Variants in FHIT observed in about 807,000 individuals in gnomAD.
FHIT encodes fragile histidine triad diadenosine triphosphatase.
FHIT carries 19 observed loss-of-function variants against 17.9 expected under a neutral mutation model. That is an observed-to-expected ratio of 1.06 (90% CI 0.74 to 1.56). The LOEUF is 1.56. FHIT is among the 40% of genes most tolerant of loss of function. The pLI, the probability that FHIT is intolerant of heterozygous loss-of-function variation, is 0.00. For synonymous variants in FHIT, 81 were observed against 69.7 expected, an observed-to-expected ratio of 1.16 and a Z score of -0.81; for missense variants, 248 against 189.2, an observed-to-expected ratio of 1.31 and a Z score of -1.82.
At chr3:60,091,872 G>A (rs1703748076) in intron 5 of FHIT, among the ~76,000 whole-genome samples, 1 of 152,052 alleles carries the variant, frequency 6.6e-6, no homozygotes, top group African/African-American at 2.4e-5. Flanking sequence ...CTTCCTGTAT[G>A]GCATACAGAA....
At chr3:60,807,060 TC>T (rs1390569207) in intron 4 of FHIT, among the ~76,000 whole-genome samples, 6 of 152,226 alleles carry the variant, frequency 3.9e-5, no homozygotes, top group African/African-American at 1.4e-4. Flanking sequence ...CAATCATTGT[TC>T]TAAATTATTA....
At position 60,531,135 on chromosome 3, in the gene FHIT, T is replaced by C. The variant is rs1450260091; in HGVS notation, c.103+5725A>G. Among the ~76,000 whole-genome samples the C allele has an allele frequency of 2.0e-5, 3 of 152,168 alleles. No individual in the cohort carries two copies. In the East Asian group the frequency reaches 5.8e-4, roughly 29 times the overall value. ...CTCCAAAAGCTCTTAAGCTGGCTAA[T>C]ATACAACAAGCATGCACAGAGCAAA... On this transcript the variant is annotated intron_variant, in intron 5 of 9. Coordinates refer to ENST00000492590, the MANE Select transcript of FHIT (RefSeq NM_002012.4).
At chr3:60,670,253 C>A (rs1054950393) in intron 4 of FHIT, among the ~76,000 whole-genome samples, 9 of 152,174 alleles carry the variant, frequency 5.9e-5, no homozygotes, top group Non-Finnish European at 1.2e-4. Flanking sequence ...AACTCTAATG[C>A]ATTCTTGATA....
chr3:60,338,919 A>G (rs1710375838), intron 5 of FHIT, among the ~76,000 whole-genome samples: 1 of 152,202 alleles, frequency 6.6e-6, no homozygotes, highest in Non-Finnish European at 1.5e-5. Flanking sequence ...ACTACTTAAT[A>G]GCTGCATGAC....
intron 8 of FHIT, among the ~76,000 whole-genome samples, chr3:59,853,539 A>G (rs994399246): frequency 3.3e-5 from 5 of 152,240 alleles, no homozygotes; most frequent in Non-Finnish European, 7.3e-5. Context: ...ATACTTCAAA[A>G]TATGAAACTG....
At chr3:60,562,356 G>A (rs2036982847) in intron 4 of FHIT, among the ~76,000 whole-genome samples, 2 of 152,056 alleles carry the variant, frequency 1.3e-5, no homozygotes, top group Admixed American at 1.3e-4. Context: ...ACATACATTG[G>A]GATAATGCCA....
intron 3 of FHIT, among the ~76,000 whole-genome samples, chr3:60,953,443 TA>T (rs35247212): frequency 0.27 from 40,770 of 149,870 alleles, 5,632 homozygotes; most frequent in South Asian, 0.29. Context: ...CTATCCTACT[TA>T]AAAAAAAAAG....
intron 7 of FHIT, among the ~76,000 whole-genome samples, chr3:59,972,709 C>T (rs1253397495): frequency 6.6e-6 from 1 of 152,136 alleles, no homozygotes; most frequent in African/African-American, 2.4e-5. Flanking sequence ...TCTGCTCCTG[C>T]AAGTGGCTTA....
intron 8 of FHIT, among the ~76,000 whole-genome samples, chr3:59,889,535 T>C (rs1177221018): frequency 1.3e-5 from 2 of 152,212 alleles, no homozygotes; most frequent in East Asian, 3.9e-4. Flanking sequence ...CATGGCCAAG[T>C]GATTTGCATT....
chr3:60,111,853 T>C (rs564918950), intron 5 of FHIT, among the ~76,000 whole-genome samples: 1 of 152,156 alleles, frequency 6.6e-6, no homozygotes, highest in Non-Finnish European at 1.5e-5. Flanking sequence ...CATCTCCCCA[T>C]TGACATCTAA....
At chr3:60,466,832 T>G (rs1020712514) in intron 5 of FHIT, among the ~76,000 whole-genome samples, 3 of 151,690 alleles carry the variant, frequency 2.0e-5, no homozygotes, top group South Asian at 2.1e-4. Flanking sequence ...AGTTTTTTTT[T>G]TTTTTTTTTA....
chr3:60,447,553 T>C (rs1039589931), intron 5 of FHIT, among the ~76,000 whole-genome samples: 1 of 152,102 alleles, frequency 6.6e-6, no homozygotes, highest in Non-Finnish European at 1.5e-5. Flanking sequence ...TCAAAGAAAC[T>C]TCAAATAACC....
rs1337514277 is a variant in FHIT at position 59,954,275 on chromosome 3, G to A, written c.280-31861C>T. 9.8e-5 allele frequency among the ~76,000 whole-genome samples: 13 copies of A among 132,080 alleles called. No individual in the cohort carries two copies. The South Asian group carries it at 1.9e-3, about 20-fold the overall frequency. 86.6% of individuals were successfully genotyped at this position (132,080 alleles called of 152,430 possible). Reference sequence around the variant, plus strand: ...GTTTGTATTGCTTTGTTTAAATATAGGCCTGATTCATTCAGGCTTGGGTCT... The same window carrying A: ...GTTTGTATTGCTTTGTTTAAATATAAGCCTGATTCATTCAGGCTTGGGTCT... On this transcript the variant is annotated intron_variant, in intron 7 of 9. Transcript: ENST00000492590.
intron 3 of FHIT, among the ~76,000 whole-genome samples, chr3:61,011,062 A>G (rs2031762751): frequency 6.6e-6 from 1 of 152,214 alleles, no homozygotes; most frequent in Non-Finnish European, 1.5e-5. Context: ...TCTTTCCACA[A>G]GGTGGAAATC....
At chr3:60,873,580 C>A (rs933270969) in intron 3 of FHIT, among the ~76,000 whole-genome samples, 1 of 152,138 alleles carries the variant, frequency 6.6e-6, no homozygotes. Context: ...ACAAACCATC[C>A]AAGCTGCCTC....
At chr3:60,117,806 A>AG (rs1262597055) in intron 5 of FHIT, among the ~76,000 whole-genome samples, 1 of 151,868 alleles carries the variant, frequency 6.6e-6, no homozygotes, top group Admixed American at 6.6e-5. Flanking sequence ...TGAAAAGGAA[A>AG]AAAAAATCCC....
chr3:60,019,237 C>G (rs1700460920), intron 5 of FHIT, among the ~76,000 whole-genome samples: 1 of 152,038 alleles, frequency 6.6e-6, no homozygotes, highest in African/African-American at 2.4e-5. Flanking sequence ...AATCACAAGC[C>G]AACCCAGATT....
At chr3:61,229,057 C>G (rs1003461665) in intron 1 of FHIT, among the ~76,000 whole-genome samples, 2 of 152,100 alleles carry the variant, frequency 1.3e-5, no homozygotes, top group Admixed American at 1.3e-4. Flanking sequence ...GAGTAAAAAC[C>G]TGTACTGGGT....
intron 5 of FHIT, among the ~76,000 whole-genome samples, chr3:60,169,060 T>C (rs1413237716): frequency 6.6e-6 from 1 of 152,180 alleles, no homozygotes; most frequent in Non-Finnish European, 1.5e-5. Flanking sequence ...ACCTAGATTG[T>C]CAAAGGATTC....
Sources: allele counts gnomAD v4.1 joint callset (sites outside exome capture counted in the v4.1 genomes callset), GRCh38; gene constraint gnomAD v4.1.1; transcripts MANE v1.5; gene names NCBI Gene and HGNC (gene_info 2026-07-23, HGNC 2026-07-21).